The following EVC2 variants were observed in gnomAD, a reference collection of about 807,000 sequenced individuals.
EVC2 encodes the protein EvC ciliary complex subunit 2, also known as limbin.
EVC2 carries 148 observed loss-of-function variants against 149.3 expected under a neutral mutation model. That is an observed-to-expected ratio of 0.99 (90% CI 0.87 to 1.14). EVC2 has a LOEUF of 1.14. Ranked by LOEUF, EVC2 falls within the 50% of genes most tolerant of loss-of-function variation. The pLI, the probability that EVC2 is intolerant of heterozygous loss-of-function variation, is 0.00. For synonymous variants in EVC2, 776 were observed against 649.9 expected, an observed-to-expected ratio of 1.19 and a Z score of -2.95; for missense variants, 1,854 against 1,627.3, an observed-to-expected ratio of 1.14 and a Z score of -2.40.
In EVC2 at chr4:5,665,626, GT is replaced by G. The variant is rs777505711; in HGVS notation, c.893del (p.His298ProfsTer15). The G allele has an allele frequency of 5.6e-6, 9 of 1,614,200 alleles. No homozygotes were observed. Among genetic ancestry groups the G allele is most frequent in the Admixed American group, 5.0e-5 (3 of 60,022 alleles). ...NVTVLPHHGLHAAGFFIAFLL... is the reference protein window; with the variant it reads ...NVTVLPHHGLXAAGFFIAFLL... The stretch of plus-strand genomic sequence containing the variant: ...GGAAGGCAATGAAGAACCCTGCTGC[GT>G]GGAGGCCGTGGTGCGGCAGAACCTG... On this transcript the variant is annotated frameshift_variant, in exon 8 of 22. Transcript: ENST00000344408. LOFTEE classifies it high-confidence loss of function.
intron 6 of EVC2, among the ~76,000 whole-genome samples, chr4:5,682,015 C>G (rs938712435): frequency 2.0e-5 from 3 of 152,228 alleles, no homozygotes; most frequent in Non-Finnish European, 4.4e-5. Flanking sequence ...ATTAGCCTCT[C>G]TGTGCCTCTG....
At chr4:5,641,744 C>T (rs1380908837) in intron 9 of EVC2, among the ~76,000 whole-genome samples, 9 of 152,168 alleles carry the variant, frequency 5.9e-5, no homozygotes, top group Non-Finnish European at 1.5e-5. Flanking sequence ...ACCATTCAAT[C>T]AGAACTAATG....
At chr4:5,550,073 T>TA (rs1226607481) in intron 21 of EVC2, among the ~76,000 whole-genome samples, 1 of 152,226 alleles carries the variant, frequency 6.6e-6, no homozygotes, top group Non-Finnish European at 1.5e-5. Context: ...TTTTCCTGTA[T>TA]AAATTGCCCA....
intron 17 of EVC2, among the ~76,000 whole-genome samples, chr4:5,577,512 T>C (rs1723004039): frequency 1.3e-5 from 2 of 152,280 alleles, no homozygotes; most frequent in Admixed American, 6.5e-5. Context: ...GACTTCACCA[T>C]GAGAGGGTGG....
chr4:5,634,197 G>T (rs1020125922), intron 10 of EVC2, among the ~76,000 whole-genome samples: 2 of 152,218 alleles, frequency 1.3e-5, no homozygotes, highest in Non-Finnish European at 2.9e-5. Flanking sequence ...TTTTTAAAAA[G>T]CTGATTTTAT....
rs67802779 is a variant in EVC2 at position 5,686,095 on chromosome 4, T to TACACAC, written c.707-622_707-617dup. ...AACATATATACACACACATATATATTACACACACACACACACACACACACA... is the reference window on the plus strand; with the variant it reads ...AACATATATACACACACATATATATTACACACACACACACACACACACACACACACA... On this transcript the variant is annotated intron_variant, in intron 5 of 21. Coordinates refer to ENST00000344408, the MANE Select transcript of EVC2 (RefSeq NM_147127.5). The surrounding 1 kb of genome is among the most constrained non-coding windows in gnomAD (Gnocchi z 5.4). 5.3e-4 allele frequency among the ~76,000 whole-genome samples: 7 copies of TACACAC among 13,264 alleles called. No homozygotes were observed. In the South Asian group the frequency reaches 7.8e-3, roughly 15 times the overall value. 8.7% of individuals were successfully genotyped at this position (13,264 alleles called of 152,430 possible). A position where few individuals can be genotyped will look rare whatever the true frequency, so the allele number is the denominator to read the frequency against.
At chr4:5,653,729 GA>G (rs1276472970) in intron 9 of EVC2, among the ~76,000 whole-genome samples, 7 of 152,190 alleles carry the variant, frequency 4.6e-5, no homozygotes, top group African/African-American at 1.7e-4. Context: ...CTGGGTCTGG[GA>G]GATATGGGAA....
chr4:5,706,349 G>GCTAGATAGATAC (rs1722147011), intron 1 of EVC2, among the ~76,000 whole-genome samples: 1 of 22,748 alleles, frequency 4.4e-5, no homozygotes, highest in Non-Finnish European at 8.5e-5. Context: ...TACATAGATA[G>GCTAGATAGATAC]ATAGACACAT....
At chr4:5,533,197 T>G in the EVC2 span, among the ~76,000 whole-genome samples, 1 of 151,662 alleles carries the variant, frequency 6.6e-6, no homozygotes, top group African/African-American at 2.4e-5. Context: ...GGATATGGGT[T>G]GGGGAGGAGG....
At chr4:5,550,305 G>A (rs1455545924) in intron 21 of EVC2, among the ~76,000 whole-genome samples, 1 of 152,180 alleles carries the variant, frequency 6.6e-6, no homozygotes, top group Non-Finnish European at 1.5e-5. Flanking sequence ...CCAAAATACT[G>A]ATAATGATAT....
chr4:5,623,288 G>T (rs376853116), intron 13 of EVC2, among the ~76,000 whole-genome samples: 2 of 151,792 alleles, frequency 1.3e-5, no homozygotes. Context: ...GGGCACGTGC[G>T]CCATGATGCC....
rs189189729 is a variant in EVC2 at position 5,574,158 on chromosome 4, C to T, written c.3360+527G>A. Among the ~76,000 whole-genome samples, 982 of 152,340 alleles carry T rather than the reference C, an allele frequency of 6.4e-3. 6 individuals are homozygous for T. Among genetic ancestry groups the T allele is most frequent in the Non-Finnish European group, 0.01 (689 of 68,036 alleles). ...AGCACAGGAAGCCCATCGCAGGATG[C>T]GTATAAAACCCGATCGGTAGCAGAC... On this transcript the variant is annotated intron_variant, in intron 19 of 21. Transcript: ENST00000344408.
chr4:5,598,864 A>C lies in EVC2; in HGVS notation c.2830-14014T>G, dbSNP rs189928594. On this transcript the variant is annotated intron_variant, in intron 16 of 21. Coordinates refer to ENST00000344408, the MANE Select transcript of EVC2 (RefSeq NM_147127.5). ...CCAGAATCTACAATGAACTCAAACA[A>C]ATTTACAAGAAAAAAAACAAACAAC... Among the ~76,000 whole-genome samples, 366 of 152,312 alleles carry C rather than the reference A, an allele frequency of 2.4e-3. 2 individuals carry two copies. Among genetic ancestry groups the C allele is most frequent in the African/African-American group, 7.7e-3 (318 of 41,566 alleles).
At chr4:5,595,613 C>T (rs1387626213) in intron 16 of EVC2, among the ~76,000 whole-genome samples, 3 of 152,070 alleles carry the variant, frequency 2.0e-5, no homozygotes, top group African/African-American at 7.2e-5. Context: ...ACTGCAAAAT[C>T]AAGCCAAATT....
At chr4:5,596,378 C>G (rs1713421603) in intron 16 of EVC2, among the ~76,000 whole-genome samples, 1 of 152,074 alleles carries the variant, frequency 6.6e-6, no homozygotes, top group African/African-American at 2.4e-5. Flanking sequence ...TCTCTGAGAC[C>G]ACGGTGCAAT....
At chr4:5,612,922 CAAAAAAAAA>C (rs34505528) in intron 16 of EVC2, among the ~76,000 whole-genome samples, 44 of 26,814 alleles carry the variant, frequency 1.6e-3, no homozygotes, top group African/African-American at 7.0e-3. Context: ...ACTCTGTCTC[CAAAAAAAAA>C]AAAAAAAAAA....
chr4:5,678,013 G>A (rs1720104861), intron 7 of EVC2, among the ~76,000 whole-genome samples: 1 of 152,198 alleles, frequency 6.6e-6, no homozygotes, highest in African/African-American at 2.4e-5. Context: ...TCCTGGTCCT[G>A]CCACTTACTA....
chr4:5,615,478 T>C lies in EVC2; in HGVS notation c.2773A>G (p.Ile925Val), dbSNP rs773508842. 17 of 1,614,238 alleles carry C rather than the reference T, an allele frequency of 1.1e-5. No individual in the cohort carries two copies. Among genetic ancestry groups the C allele is most frequent in the Non-Finnish European group, 1.4e-5 (17 of 1,180,042 alleles). The change falls in exon 16 of 22, where the codon ATC becomes GTC. Residue 925 changes from isoleucine (I) to valine (V), a missense_variant. Transcript: ENST00000344408. Reference protein sequence around the residue: ...KSKGELLKKCIEDKIHLCEEQ... With the variant: ...KSKGELLKKCVEDKIHLCEEQ... ...TCACAGAGGTGAATTTTGTCTTCGA[T>C]GCACTTCTTCAGAAGCTCTCCCTTG...
In EVC2 at chr4:5,684,546, C is replaced by T. The variant is rs182964411; in HGVS notation, c.816+824G>A. On this transcript the variant is annotated intron_variant, in intron 6 of 21. Transcript: ENST00000344408. ...CAGAGCATCATGATCTCCTTGAAGT[C>T]GGGGACCACATCTCCTCCAGCCTGT... 1.0e-3 allele frequency among the ~76,000 whole-genome samples: 142 copies of T among 141,096 alleles called. 3 individuals are homozygous for T. The highest frequency in any genetic ancestry group is 3.2e-3 in the African/African-American group (123 of 38,498). The allele number at this position is 141,096 out of a possible 152,430, so 92.6% of individuals were successfully genotyped here. A position where few individuals can be genotyped will look rare whatever the true frequency, so the allele number is the denominator to read the frequency against.
Sources: allele counts gnomAD v4.1 joint callset (sites outside exome capture counted in the v4.1 genomes callset), GRCh38; gene constraint gnomAD v4.1.1; non-coding constraint Gnocchi (gnomAD v3.1); transcripts MANE v1.5; gene names NCBI Gene and HGNC (gene_info 2026-07-23, HGNC 2026-07-21).